IL17RE: variants seen among roughly 807,000 people sequenced by gnomAD.
IL17RE encodes the protein interleukin 17 receptor E.
A neutral mutation model predicts 70.7 loss-of-function variants in IL17RE; 47 were observed. The ratio of observed to expected loss-of-function variants is 0.67; its 90% confidence interval spans 0.53 to 0.85. IL17RE has a LOEUF of 0.85. Among genes scored for constraint, IL17RE ranks in the 40% least tolerant of loss-of-function variants. The pLI is 0.00. For missense variants in IL17RE, 850 were observed against 893.9 expected, an observed-to-expected ratio of 0.95 and a Z score of 0.63; for synonymous variants, 372 against 381.2, an observed-to-expected ratio of 0.98 and a Z score of 0.28.
chr3:9,903,640 G>T lies in IL17RE; in HGVS notation c.148+228G>T, dbSNP rs371985361. Among the ~76,000 whole-genome samples, 29 of 152,294 alleles carry T rather than the reference G, an allele frequency of 1.9e-4. 1 individual carries two copies. Among genetic ancestry groups the T allele is most frequent in the African/African-American group, 7.0e-4 (29 of 41,556 alleles). The stretch of plus-strand genomic sequence containing the variant: ...CCAACTGACCCTCAGTTTCTGAGGG[G>T]TAGTAGCATAGTAGAAATGATTGTA... On this transcript the variant is annotated intron_variant, in intron 2 of 15. Coordinates refer to ENST00000383814, the MANE Select transcript of IL17RE (RefSeq NM_153480.2).
rs375736949 is a variant in IL17RE at position 9,903,041 on chromosome 3, C to T, written c.109C>T (p.Arg37Cys). 1.2e-5 allele frequency: 20 copies of T among 1,614,154 alleles called. No individual in the cohort carries two copies. The highest frequency in any genetic ancestry group is 3.3e-5 in the Admixed American group (2 of 60,022). Residue 37 changes from arginine to cysteine, a missense_variant, in exon 1 of 16, where the codon CGC becomes TGC. Arg to Cys is a radical substitution (Grantham distance 180). Coordinates refer to ENST00000383814, the MANE Select transcript of IL17RE (RefSeq NM_153480.2). ...GFRHLPHWNT[R>C]CPLASHTDDS... is the part of the protein sequence containing the mutation. ...TCGCCACCTGCCCCACTGGAACACC[C>T]GCTGTCCTCTGGCCTCCCACACGGT...
At chr3:9,907,466 G>A (rs2082787080) in intron 6 of IL17RE, among the ~76,000 whole-genome samples, 1 of 151,990 alleles carries the variant, frequency 6.6e-6, no homozygotes, top group South Asian at 2.1e-4. Flanking sequence ...CTTGTCACCG[G>A]GAAGAACAGG....
At chr3:9,907,683 C>T (rs966377623) in intron 6 of IL17RE, among the ~76,000 whole-genome samples, 11 of 152,118 alleles carry the variant, frequency 7.2e-5, no homozygotes, top group African/African-American at 1.4e-4. Context: ...GAGGTTGTAT[C>T]GCCTAAGAAC....
Position 9,911,451 on chromosome 3 carries a change from A to G in IL17RE, c.1081A>G (p.Thr361Ala), listed in dbSNP as rs1175244674. 6.2e-7 allele frequency: 1 copy of G among 1,614,004 alleles called. No individual in the cohort carries two copies. Among genetic ancestry groups the G allele is most frequent in the South Asian group, 1.1e-5 (1 of 91,078 alleles). ...CACCCCGCCCCAAACAGGGTCTCTCACATCCTGGAATGTAAGCATGGATAC... is the reference window on the plus strand; with the variant it reads ...CACCCCGCCCCAAACAGGGTCTCTCGCATCCTGGAATGTAAGCATGGATAC... ...VECPHQTGSLTSWNVSMDTQA... is the reference protein window; with the variant it reads ...VECPHQTGSLASWNVSMDTQA... The change falls in exon 12 of 16, where the codon ACA becomes GCA. Residue 361 changes from threonine (T) to alanine (A), a missense_variant. By Grantham distance (58) the Thr-to-Ala change is moderately conservative. Transcript: ENST00000383814.
At chr3:9,903,154 C>T (rs2082675967) in intron 1 of IL17RE, 90 bp downstream of exon 1, 3 of 1,244,478 alleles carry the variant, frequency 2.4e-6, no homozygotes, top group South Asian at 2.6e-5. Context: ...CTCCGCAGTC[C>T]CTGTGCTCTG....
intron 12 of IL17RE, 84 bp downstream of exon 12, chr3:9,911,681 AG>A: frequency 1.5e-6 from 2 of 1,294,386 alleles, no homozygotes; most frequent in Non-Finnish European, 2.1e-6. Flanking sequence ...GACCCTGGGA[AG>A]GCAGAAACAA....
Position 9,903,066 on chromosome 3 carries a change from T to C in IL17RE, c.132+2T>C. ...CGCTGTCCTCTGGCCTCCCACACGGTAAGGTGCTGCTGCCAGGTAGGGACA... is the reference window on the plus strand; with the variant it reads ...CGCTGTCCTCTGGCCTCCCACACGGCAAGGTGCTGCTGCCAGGTAGGGACA... On this transcript the variant is annotated splice_donor_variant, in intron 1 of 15. Transcript: ENST00000383814. LOFTEE classifies it high-confidence loss of function. 1.2e-6 allele frequency: 2 copies of C among 1,612,982 alleles called. No homozygotes were observed. The highest frequency in any genetic ancestry group is 8.5e-7 in the Non-Finnish European group (1 of 1,179,074).
At chr3:9,907,510 G>T (rs960063933) in intron 6 of IL17RE, among the ~76,000 whole-genome samples, 2 of 152,154 alleles carry the variant, frequency 1.3e-5, no homozygotes, top group Non-Finnish European at 2.9e-5. Context: ...AGCCATGAAT[G>T]ACCATGAATG....
At chr3:9,902,678 C>T (rs1220594404), upstream of IL17RE, 11 of 1,536,122 alleles carry the variant, frequency 7.2e-6, no homozygotes, top group East Asian at 2.4e-4. Flanking sequence ...ACAGCAGGAG[C>T]CCCTTGTCTT....
At chr3:9,903,197 CA>C in intron 1 of IL17RE, 133 bp downstream of exon 1, 1 of 996,662 alleles carries the variant, frequency 1.0e-6, no homozygotes. Flanking sequence ...TACCTAGTCT[CA>C]AAGGGGTAGC....
At chr3:9,902,696 G>T, upstream of IL17RE, 3 of 1,536,016 alleles carry the variant, frequency 2.0e-6, no homozygotes, top group Non-Finnish European at 2.6e-6. Context: ...CTTTCAGGTG[G>T]GGGGCAGTAG....
intron 3 of IL17RE, among the ~76,000 whole-genome samples, 166 bp from the exon 4 acceptor site, chr3:9,906,198 G>A (rs1313279040): frequency 1.3e-5 from 2 of 151,506 alleles, no homozygotes; most frequent in Non-Finnish European, 2.9e-5. Context: ...GCAGTGAGCC[G>A]AGATCGCGCC....
chr3:9,911,959 A>C, intron 12 of IL17RE: 1 of 170,956 alleles, frequency 5.8e-6, no homozygotes. Context: ...GCCCTCCCAC[A>C]TTCAGGTGTC....
chr3:9,915,513 C>G lies in IL17RE; in HGVS notation c.1710C>G (p.Pro570=). The change falls in exon 16 of 16, where the codon CCC becomes CCG. Residue 570 remains proline (P), a synonymous_variant. Coordinates refer to ENST00000383814, the MANE Select transcript of IL17RE (RefSeq NM_153480.2). This position sits in a 1 kb window ranked among gnomAD's most constrained non-coding sequence, Gnocchi z 4.9. Reference sequence around the variant, plus strand: ...CCGACCTTCGCCCGGTCAGCGGCCCCGACCCCCGCGCCGCGCCCCTGCTCG... The same window carrying G: ...CCGACCTTCGCCCGGTCAGCGGCCCGGACCCCCGCGCCGCGCCCCTGCTCG... ...SGADLRPVSG[P]DPRAAPLLAL... is the part of the protein sequence containing the mutation. The G allele has an allele frequency of 1.5e-6, 2 of 1,317,264 alleles. No homozygotes were observed. Among genetic ancestry groups the G allele is most frequent in the Non-Finnish European group, 1.9e-6 (2 of 1,042,312 alleles). The allele number at this position is 1,317,264 out of a possible 1,614,324, so 81.6% of individuals were successfully genotyped here.
At position 9,915,411 on chromosome 3, in the gene IL17RE, C is replaced by A; in HGVS notation, c.1608C>A (p.Gly536=). ...LWEGRHVARV[G]PLPWLWAART... Reference sequence around the variant, plus strand: ...AGGGGAGGCACGTGGCGCGCGTGGGCCCGCTGCCGTGGCTCTGGGCGGCGC... The same window carrying A: ...AGGGGAGGCACGTGGCGCGCGTGGGACCGCTGCCGTGGCTCTGGGCGGCGC... Residue 536 remains glycine, a synonymous_variant, in exon 16 of 16, where the codon GGC becomes GGA. Coordinates refer to ENST00000383814, the MANE Select transcript of IL17RE (RefSeq NM_153480.2). This position sits in a 1 kb window ranked among gnomAD's most constrained non-coding sequence, Gnocchi z 4.9. 1 of 1,361,710 alleles carries A rather than the reference C, an allele frequency of 7.3e-7. No individual in the cohort carries two copies. The allele number at this position is 1,361,710 out of a possible 1,614,324, so 84.4% of individuals were successfully genotyped here.
chr3:9,915,972 CCG>C lies in IL17RE; in HGVS notation c.*172_*173del. The C allele has an allele frequency of 8.1e-7, 1 of 1,230,032 alleles. No homozygotes were observed. The highest frequency in any genetic ancestry group is 1.6e-5 in the African/African-American group (1 of 62,960). 76.2% of individuals were successfully genotyped at this position (1,230,032 alleles called of 1,614,324 possible). A position where few individuals can be genotyped will look rare whatever the true frequency, so the allele number is the denominator to read the frequency against. On this transcript the variant is annotated 3_prime_UTR_variant, in exon 16 of 16. Transcript: ENST00000383814. The surrounding 1 kb of genome is among the most constrained non-coding windows in gnomAD (Gnocchi z 4.9). ...CAGGCCGGAAGTCCCAGCCCAGTCC[CCG>C]CGCGCGTCCCTCTTCCTCCTCATAC...
At chr3:9,902,785 A>G, upstream of IL17RE, 1 of 1,547,016 alleles carries the variant, frequency 6.5e-7, no homozygotes, top group Non-Finnish European at 8.7e-7. Flanking sequence ...GGTTGGGATC[A>G]AGGAGGAGCT....
chr3:9,902,798 C>T (rs1213999100), upstream of IL17RE: 9 of 1,554,778 alleles, frequency 5.8e-6, no homozygotes, highest in African/African-American at 4.1e-5. Context: ...GAGGAGCTTT[C>T]GGGCAGGGCG....
At chr3:9,911,234 T>G in intron 10 of IL17RE, 21 bp from the exon 11 acceptor site, 1 of 1,614,228 alleles carries the variant, frequency 6.2e-7, no homozygotes, top group Non-Finnish European at 8.5e-7. Flanking sequence ...CTTGCTAATC[T>G]GCCATTCCTG....
Sources: allele counts gnomAD v4.1 joint callset (sites outside exome capture counted in the v4.1 genomes callset), GRCh38; gene constraint gnomAD v4.1.1; non-coding constraint Gnocchi (gnomAD v3.1); transcripts MANE v1.5; gene names NCBI Gene and HGNC (gene_info 2026-07-23, HGNC 2026-07-21).